The following TNRC6A variants were observed in gnomAD, a reference collection of about 807,000 sequenced individuals.
TNRC6A encodes trinucleotide repeat-containing gene 6A protein.
A neutral mutation model predicts 221.2 loss-of-function variants in TNRC6A; 44 were observed. The ratio of observed to expected loss-of-function variants is 0.20; its 90% CI spans 0.16 to 0.26. The LOEUF is 0.26. Among genes scored for constraint, TNRC6A ranks in the 10% least tolerant of loss-of-function variants. The probability of loss-of-function intolerance (pLI) is 1.00; values close to 1 mark genes in which losing one functional copy is unlikely to be tolerated. For missense variants in TNRC6A, 2,199 were observed against 2,404.4 expected, an observed-to-expected ratio of 0.91 and a Z score of 1.79; for synonymous variants, 847 against 838.5, an observed-to-expected ratio of 1.01 and a Z score of -0.18.
intron 2 of TNRC6A, among the ~76,000 whole-genome samples, chr16:24,722,485 G>C (rs1180537028): frequency 1.3e-5 from 2 of 151,896 alleles, no homozygotes; most frequent in Non-Finnish European, 2.9e-5. Context: ...GCCCAGGCTG[G>C]AGTGCAGTGG....
chr16:24,643,070 ATATATATATTATATATATATATTT>A (rs1437911322), intron 2 of TNRC6A, among the ~76,000 whole-genome samples: 13 of 138,368 alleles, frequency 9.4e-5, no homozygotes, highest in African/African-American at 3.6e-4. Context: ...CATATATATT[ATATATATATTATATATATATATTT>A]TATATATATA....
intron 1 of TNRC6A, among the ~76,000 whole-genome samples, chr16:24,630,756 C>CA (rs1229723039): frequency 2.0e-5 from 3 of 152,176 alleles, no homozygotes; most frequent in Non-Finnish European, 4.4e-5. Flanking sequence ...TTCACAGGGC[C>CA]AAACAAACAT....
At chr16:24,661,894 C>T (rs1027280641) in intron 2 of TNRC6A, 4 of 152,066 alleles carry the variant, frequency 2.6e-5, no homozygotes, top group African/African-American at 9.7e-5. Flanking sequence ...ATACAGTCCC[C>T]AAAAGGTATA....
intron 11 of TNRC6A, 58 bp downstream of exon 11, chr16:24,798,024 A>G: frequency 2.7e-6 from 4 of 1,476,060 alleles, no homozygotes; most frequent in South Asian, 1.2e-5. Flanking sequence ...CATCCATGAC[A>G]TGATTCTACT....
chr16:24,732,589 C>T (rs1478346358), intron 2 of TNRC6A, among the ~76,000 whole-genome samples: 1 of 152,150 alleles, frequency 6.6e-6, no homozygotes, highest in Non-Finnish European at 1.5e-5. Flanking sequence ...ATTGGAGTAA[C>T]TTTTTAGGCT....
intron 4 of TNRC6A, among the ~76,000 whole-genome samples, chr16:24,768,557 T>A (rs1350111404): frequency 6.6e-6 from 1 of 152,200 alleles, no homozygotes; most frequent in Non-Finnish European, 1.5e-5. Context: ...CTCCATCTTG[T>A]CTTTTAGGAG....
intron 2 of TNRC6A, among the ~76,000 whole-genome samples, chr16:24,693,145 A>T (rs1440048457): frequency 6.6e-6 from 1 of 152,158 alleles, no homozygotes; most frequent in Non-Finnish European, 1.5e-5. Flanking sequence ...TCTAAGAAGG[A>T]CACCAAACTT....
intron 1 of TNRC6A, among the ~76,000 whole-genome samples, chr16:24,623,490 G>A (rs986401028): frequency 1.1e-4 from 16 of 152,086 alleles, no homozygotes; most frequent in Non-Finnish European, 8.8e-5. Flanking sequence ...CATTCTTCAT[G>A]TATCAGCTGG....
intron 2 of TNRC6A, among the ~76,000 whole-genome samples, chr16:24,659,105 C>G (rs979407830): frequency 6.6e-6 from 1 of 152,016 alleles, no homozygotes; most frequent in Admixed American, 6.6e-5. Context: ...CAGTAGGACC[C>G]ATTGCACCCC....
intron 18 of TNRC6A, among the ~76,000 whole-genome samples, chr16:24,814,793 T>C (rs1023205906): frequency 6.6e-6 from 1 of 152,196 alleles, no homozygotes; most frequent in Non-Finnish European, 1.5e-5. Flanking sequence ...TGATGTTGTG[T>C]AGCCATCACC....
In TNRC6A at chr16:24,777,072, G is replaced by T; in HGVS notation, c.303G>T (p.Gln101His). 7 of 1,605,610 alleles carry T rather than the reference G, an allele frequency of 4.4e-6. No individual in the cohort carries two copies. Among genetic ancestry groups the T allele is most frequent in the Non-Finnish European group, 6.0e-6 (7 of 1,174,690 alleles). Reference protein sequence around the residue: ...NNQQPQQQQQQQQPQQQQPQQ... With the variant: ...NNQQPQQQQQHQQPQQQQPQQ... ...AGCAGCCACAGCAGCAGCAGCAACA[G>T]CAGCAGCCGCAGCAGCAGCAGCCAC... The change falls in exon 5 of 25, where the codon CAG becomes CAT. Residue 101 changes from glutamine (Q) to histidine (H), a missense_variant. Around this residue, in one of 8 missense-constraint regions of TNRC6A, gnomAD observed 1,405 missense variants for 1,400.2 expected, o/e 1.00. Transcript: ENST00000395799.
In TNRC6A at chr16:24,804,822, G is replaced by C. The variant is rs922838522; in HGVS notation, c.3955G>C (p.Gly1319Arg). The change falls in exon 13 of 25, where the codon GGT becomes CGT. Residue 1319 changes from glycine (G) to arginine (R), a missense_variant. Transcript: ENST00000395799. Reference sequence around the variant, plus strand: ...GGCCCTTGGCTCCATAGCAGGGCTGGGTATGCAAAACTTGAATTCTGTTAG... The same window carrying C: ...GGCCCTTGGCTCCATAGCAGGGCTGCGTATGCAAAACTTGAATTCTGTTAG... ...NQALGSIAGL[G>R]MQNLNSVRQN... The C allele has an allele frequency of 1.2e-6, 2 of 1,612,628 alleles. No individual in the cohort carries two copies. The highest frequency in any genetic ancestry group is 1.7e-6 in the Non-Finnish European group (2 of 1,179,684).
chr16:24,771,572 TTATGTTATGTTGTTA>T, intron 4 of TNRC6A, among the ~76,000 whole-genome samples: 1 of 101,660 alleles, frequency 9.8e-6, no homozygotes, highest in Non-Finnish European at 2.0e-5. Context: ...TTATGTTATG[TTATGTTATGTTGTTA>T]TGTTATGTTA....
intron 2 of TNRC6A, among the ~76,000 whole-genome samples, chr16:24,677,615 C>A (rs763374519): frequency 2.0e-5 from 3 of 152,202 alleles, no homozygotes; most frequent in Non-Finnish European, 2.9e-5. Flanking sequence ...TGAAACAGTG[C>A]GTGAATTACA....
At chr16:24,809,213 ATAAC>A in intron 17 of TNRC6A, 133 bp from the exon 18 acceptor site, 5 of 771,908 alleles carry the variant, frequency 6.5e-6, no homozygotes, top group Non-Finnish European at 8.9e-6. Flanking sequence ...TTTTCTACGT[ATAAC>A]TAAATTATAG....
chr16:24,650,429 C>T (rs779232775), intron 2 of TNRC6A, among the ~76,000 whole-genome samples: 12 of 152,114 alleles, frequency 7.9e-5, no homozygotes, highest in Middle Eastern at 6.8e-3. Flanking sequence ...CTTTGGGAGG[C>T]GGAGGCGGGT....
chr16:24,822,783 AAG>A (rs1018177434), intron 23 of TNRC6A, 89 bp from the exon 24 acceptor site: 27 of 1,537,732 alleles, frequency 1.8e-5, no homozygotes, highest in Admixed American at 1.6e-4. Context: ...AGCCTCAGGA[AAG>A]AGAGGAGGGG....
chr16:24,808,882 G>A (rs965234580), intron 17 of TNRC6A, among the ~76,000 whole-genome samples: 1 of 152,180 alleles, frequency 6.6e-6, no homozygotes, highest in Non-Finnish European at 1.5e-5. Flanking sequence ...ATCTAAGGTT[G>A]AAATTTCCAT....
At chr16:24,709,148 T>G (rs901363005) in intron 2 of TNRC6A, among the ~76,000 whole-genome samples, 1 of 151,982 alleles carries the variant, frequency 6.6e-6, no homozygotes, top group Non-Finnish European at 1.5e-5. Context: ...TTCCAGCTAC[T>G]CGGGAGGCTG....
Sources: gnomAD v4.1 joint callset for allele counts (sites outside exome capture counted in the v4.1 genomes callset) on GRCh38, gnomAD v4.1.1 for gene constraint, gnomAD v4.1.1 regional missense constraint, MANE v1.5 for transcripts, NCBI Gene and HGNC (gene_info 2026-07-23, HGNC 2026-07-21) for gene names.